Variants in TLK1 observed in about 807,000 individuals in gnomAD.
TLK1 encodes the protein serine/threonine-protein kinase tousled-like 1.
In TLK1, 24 loss-of-function variants were observed where a neutral mutation model predicts 105.3. The ratio of observed to expected loss-of-function variants is 0.23; its 90% confidence interval spans 0.17 to 0.32. The LOEUF is 0.32. Ranked by LOEUF, TLK1 falls within the 10% of genes least tolerant of loss-of-function variation. The probability of loss-of-function intolerance (pLI) is 1.00; values close to 1 mark genes in which losing one functional copy is unlikely to be tolerated. For synonymous variants in TLK1, 321 were observed against 310.4 expected, an observed-to-expected ratio of 1.03 and a Z score of -0.36; for missense variants, 558 against 910.5, an observed-to-expected ratio of 0.61 and a Z score of 4.98.
intron 1 of TLK1, among the ~76,000 whole-genome samples, chr2:171,169,280 G>A (rs80049987): frequency 0.037 from 5,689 of 151,974 alleles, 430 homozygotes; most frequent in East Asian, 0.3. Context: ...ATAAATTATG[G>A]CTCATCTATC....
At chr2:171,055,920 C>T (rs1440545184) in intron 6 of TLK1, among the ~76,000 whole-genome samples, 1 of 151,744 alleles carries the variant, frequency 6.6e-6, no homozygotes, top group Non-Finnish European at 1.5e-5. Flanking sequence ...AACTTTCACA[C>T]AATGAAAGTA....
chr2:171,215,995 C>G (rs546854906), intron 1 of TLK1, among the ~76,000 whole-genome samples: 1 of 152,194 alleles, frequency 6.6e-6, no homozygotes, highest in South Asian at 2.1e-4. Flanking sequence ...TAAGGACTTT[C>G]CTGGCATTAG....
At chr2:171,061,054 C>T in intron 4 of TLK1, 27 bp downstream of exon 4, 2 of 1,599,802 alleles carry the variant, frequency 1.3e-6, no homozygotes, top group Non-Finnish European at 1.7e-6. Context: ...GTCCACTAGG[C>T]TCTGAAGGAA....
intron 11 of TLK1, among the ~76,000 whole-genome samples, chr2:171,041,449 A>G (rs1435581722): frequency 6.6e-6 from 1 of 152,184 alleles, no homozygotes; most frequent in African/African-American, 2.4e-5. Flanking sequence ...ACAGACCTGT[A>G]CCGTCCATGG....
intron 1 of TLK1, among the ~76,000 whole-genome samples, chr2:171,173,554 AT>A (rs954705117): frequency 4.0e-5 from 6 of 151,106 alleles, no homozygotes; most frequent in East Asian, 1.9e-4. Context: ...TGCCCAGCTA[AT>A]TTTTTTTTCT....
chr2:171,195,559 A>C (rs1693258186), intron 1 of TLK1, among the ~76,000 whole-genome samples: 2 of 151,924 alleles, frequency 1.3e-5, no homozygotes, highest in Non-Finnish European at 2.9e-5. Flanking sequence ...ATTTGAATAT[A>C]TATTATTTTC....
upstream of TLK1, among the ~76,000 whole-genome samples, chr2:171,161,068 C>T (rs1396338819): frequency 1.4e-5 from 2 of 147,484 alleles, no homozygotes; most frequent in Non-Finnish European, 3.0e-5. Context: ...GGAGCGAGCG[C>T]GCGAGGGAAG....
At chr2:171,047,221 T>C (rs1242173642) in intron 10 of TLK1, among the ~76,000 whole-genome samples, 1 of 152,206 alleles carries the variant, frequency 6.6e-6, no homozygotes, top group African/African-American at 2.4e-5. Context: ...ATTTTAGCAG[T>C]TTGAGCAGAG....
intron 3 of TLK1, among the ~76,000 whole-genome samples, chr2:171,082,144 C>G (rs1558931221): frequency 6.6e-6 from 1 of 152,010 alleles, no homozygotes; most frequent in Non-Finnish European, 1.5e-5. Context: ...TGCTAAAACT[C>G]ACGGAACTTC....
intron 11 of TLK1, among the ~76,000 whole-genome samples, chr2:171,039,157 T>C (rs1686528004): frequency 6.6e-6 from 1 of 152,196 alleles, no homozygotes. Flanking sequence ...TTTTCTAAAC[T>C]GTTATTTCAA....
chr2:171,075,633 T>C (rs1688466622), intron 3 of TLK1, among the ~76,000 whole-genome samples: 1 of 152,172 alleles, frequency 6.6e-6, no homozygotes, highest in Admixed American at 6.5e-5. Context: ...CCAACATTAA[T>C]TATTAAAAAT....
chr2:171,050,584 A>G (rs1265298721), intron 8 of TLK1, among the ~76,000 whole-genome samples: 1 of 152,226 alleles, frequency 6.6e-6, no homozygotes, highest in Non-Finnish European at 1.5e-5. Flanking sequence ...TCTTATAATT[A>G]ACAAATTAAA....
At chr2:171,210,895 C>T (rs1693601321) in intron 1 of TLK1, among the ~76,000 whole-genome samples, 2 of 152,190 alleles carry the variant, frequency 1.3e-5, no homozygotes, top group South Asian at 2.1e-4. Context: ...AGGGAAGCTG[C>T]ATTTGAAGCT....
intron 1 of TLK1, among the ~76,000 whole-genome samples, chr2:171,126,584 A>G (rs1338591905): frequency 6.6e-6 from 1 of 152,164 alleles, no homozygotes; most frequent in Non-Finnish European, 1.5e-5. Flanking sequence ...ATAAAATCAA[A>G]TGCCTAGAAT....
chr2:171,142,188 G>T (rs1238814990), intron 1 of TLK1, among the ~76,000 whole-genome samples: 1 of 151,708 alleles, frequency 6.6e-6, no homozygotes, highest in African/African-American at 2.4e-5. Context: ...TGGGGGGTGG[G>T]GGGTATTTGG....
At chr2:171,135,544 TA>T (rs934001433) in intron 1 of TLK1, among the ~76,000 whole-genome samples, 29 of 152,140 alleles carry the variant, frequency 1.9e-4, no homozygotes, top group African/African-American at 7.0e-4. Flanking sequence ...TTCATGCCTA[TA>T]ATCCCAGCAC....
In TLK1 at chr2:171,111,963, G is replaced by A. The variant is rs1409189162; in HGVS notation, c.258+5776C>T. Reference sequence around the variant, plus strand: ...ATGGTAGGGTTTTTTGTTTGTTTTTGGTTTTTTTGAGACAGTCTTGCTCTG... The same window carrying A: ...ATGGTAGGGTTTTTTGTTTGTTTTTAGTTTTTTTGAGACAGTCTTGCTCTG... On this transcript the variant is annotated intron_variant, in intron 2 of 20. Transcript: ENST00000431350. 2.2e-5 allele frequency among the ~76,000 whole-genome samples: 3 copies of A among 138,304 alleles called. No homozygotes were observed. The South Asian group carries it at 6.4e-4, about 30-fold the overall frequency. 90.7% of individuals were successfully genotyped at this position (138,304 alleles called of 152,430 possible).
At chr2:171,099,645 A>T (rs973201939) in intron 2 of TLK1, among the ~76,000 whole-genome samples, 1 of 152,234 alleles carries the variant, frequency 6.6e-6, no homozygotes, top group Non-Finnish European at 1.5e-5. Context: ...TGGTATGGCG[A>T]AAAGATAGAC....
intron 14 of TLK1, among the ~76,000 whole-genome samples, chr2:171,010,125 G>T (rs1030305216): frequency 2.6e-5 from 4 of 152,174 alleles, no homozygotes; most frequent in Admixed American, 6.5e-5. Context: ...GGTTCCGGAA[G>T]AAGCCTTGAG....
Sources: allele counts gnomAD v4.1 joint callset (sites outside exome capture counted in the v4.1 genomes callset), GRCh38; gene constraint gnomAD v4.1.1; transcripts MANE v1.5; gene names NCBI Gene and HGNC (gene_info 2026-07-23, HGNC 2026-07-21).